Variants in TAF4 observed in about 807,000 individuals in gnomAD.
TAF4 encodes TATA-box binding protein associated factor 4.
Under a neutral mutation model 90.3 loss-of-function variants are expected in TAF4, and 9 were observed. That is an observed-to-expected ratio of 0.10 (90% confidence interval 0.06 to 0.17). The LOEUF is 0.17. TAF4 is among the 10% of genes least tolerant of loss of function. The probability of loss-of-function intolerance (pLI) is 1.00; values close to 1 mark genes in which losing one functional copy is unlikely to be tolerated. For missense variants in TAF4, 1,351 were observed against 1,370.7 expected (o/e 0.99, Z 0.23); for synonymous variants, 818 against 638.9 (o/e 1.28, Z -4.23).
intron 1 of TAF4, among the ~76,000 whole-genome samples, chr20:62,027,762 G>A (rs548592220): frequency 6.6e-6 from 1 of 152,326 alleles, no homozygotes; most frequent in South Asian, 2.1e-4. Flanking sequence ...TTCAAGAGGT[G>A]TTTATGCAAC....
chr20:61,987,821 G>T (rs1184038372), intron 14 of TAF4, among the ~76,000 whole-genome samples: 1 of 152,198 alleles, frequency 6.6e-6, no homozygotes, highest in African/African-American at 2.4e-5. Flanking sequence ...AAGCAGCCAC[G>T]ATGTGCTTCA....
At chr20:62,055,294 C>T (rs554219410) in intron 1 of TAF4, among the ~76,000 whole-genome samples, 1 of 149,972 alleles carries the variant, frequency 6.7e-6, no homozygotes, top group African/African-American at 2.5e-5. Context: ...ACGCTGCCTG[C>T]GGGCGGTCCT....
chr20:62,024,003 G>A (rs556660547), intron 1 of TAF4, among the ~76,000 whole-genome samples: 13 of 152,040 alleles, frequency 8.6e-5, no homozygotes, highest in South Asian at 2.1e-4. Context: ...GCTTGAGCCC[G>A]GGACACAGAG....
chr20:62,028,139 C>G lies in TAF4; in HGVS notation c.1361-13432G>C, dbSNP rs1019079022. ...GAGGCCTGGACACCCAGGAGCCGCACCTGCTCTGGGATGCTGGAGGTGCTA... is the reference window on the plus strand; with the variant it reads ...GAGGCCTGGACACCCAGGAGCCGCAGCTGCTCTGGGATGCTGGAGGTGCTA... On this transcript the variant is annotated intron_variant, in intron 1 of 14. Transcript: ENST00000252996. Among the ~76,000 whole-genome samples the G allele has an allele frequency of 6.6e-5, 10 of 152,310 alleles. No individual in the cohort carries two copies. The East Asian group carries it at 1.9e-3, about 29-fold the overall frequency.
chr20:62,016,559 T>G (rs2055813099), intron 1 of TAF4, among the ~76,000 whole-genome samples: 1 of 152,186 alleles, frequency 6.6e-6, no homozygotes, highest in Non-Finnish European at 1.5e-5. Flanking sequence ...CACCAGTGGT[T>G]TGCCAGGGGT....
Position 62,006,864 on chromosome 20 carries a change from G to A in TAF4, c.1975-106C>T. 1.4e-6 allele frequency: 2 copies of A among 1,380,534 alleles called. No homozygotes were observed. The highest frequency in any genetic ancestry group is 3.7e-5 in the South Asian group (2 of 54,398). The allele number at this position is 1,380,534 out of a possible 1,614,324, so 85.5% of individuals were successfully genotyped here. ...CTTTTACAGAAAGCTTTTGAGCTAA[G>A]TAAGATGGATCTTGGCCCTCACGGC... On this transcript the variant is annotated intron_variant, in intron 6 of 14. Coordinates refer to ENST00000252996, the MANE Select transcript of TAF4 (RefSeq NM_003185.4). The surrounding 1 kb of genome is among the most constrained non-coding windows in gnomAD (Gnocchi z 7.0).
intron 3 of TAF4, among the ~76,000 whole-genome samples, chr20:62,011,852 C>A (rs769623777): frequency 6.6e-6 from 1 of 152,224 alleles, no homozygotes; most frequent in Non-Finnish European, 1.5e-5. Context: ...ACCTACGCAT[C>A]CACGGATGCT....
chr20:61,985,972 CATCCCCAATCAAAGGAAAT>C lies in TAF4; in HGVS notation c.3091-9656_3091-9638del, dbSNP rs1245636327. Reference sequence around the variant, plus strand: ...CACCATCCCCGACCAAAGGAAGCACCATCCCCAATCAAAGGAAATACCATCCCCAACCAAAGGAAACACC... The same window carrying C: ...CACCATCCCCGACCAAAGGAAGCACCACCATCCCCAACCAAAGGAAACACC... On this transcript the variant is annotated intron_variant, in intron 14 of 14. Transcript: ENST00000252996. Among the ~76,000 whole-genome samples, 84 of 150,832 alleles carry C rather than the reference CATCCCCAATCAAAGGAAAT, an allele frequency of 5.6e-4. 4 individuals are homozygous for C. The highest frequency in any genetic ancestry group is 9.8e-4 in the East Asian group (5 of 5,122).
chr20:62,020,693 T>G, intron 1 of TAF4, among the ~76,000 whole-genome samples: 1 of 152,118 alleles, frequency 6.6e-6, no homozygotes, highest in East Asian at 1.9e-4. Context: ...AGTGAACTGA[T>G]CAAAATAAGC....
chr20:62,014,114 G>A (rs1292141890), intron 2 of TAF4, among the ~76,000 whole-genome samples: 2 of 151,870 alleles, frequency 1.3e-5, no homozygotes, highest in Non-Finnish European at 2.9e-5. Flanking sequence ...CGCACACAGC[G>A]GCTCCAGGAC....
chr20:62,012,095 G>C (rs1307540802), intron 3 of TAF4: 1 of 152,356 alleles, frequency 6.6e-6, no homozygotes, highest in Non-Finnish European at 1.5e-5. Context: ...CTAGGAGAGG[G>C]GCCAGCACCT....
chr20:62,023,375 G>A lies in TAF4; in HGVS notation c.1361-8668C>T, dbSNP rs191299502. Among the ~76,000 whole-genome samples, 40 of 152,292 alleles carry A rather than the reference G, an allele frequency of 2.6e-4. No individual in the cohort carries two copies. In the East Asian group the frequency reaches 7.1e-3, roughly 27 times the overall value. ...GAACCAGAGAGGCGAAGGTTGCAGT[G>A]AGCCAAGAGCACACCACTGCAGTCC... is the stretch of plus-strand genomic sequence containing the variant. On this transcript the variant is annotated intron_variant, in intron 1 of 14. Coordinates refer to ENST00000252996, the MANE Select transcript of TAF4 (RefSeq NM_003185.4).
At chr20:62,020,411 A>G (rs565253639) in intron 1 of TAF4, among the ~76,000 whole-genome samples, 13 of 152,270 alleles carry the variant, frequency 8.5e-5, no homozygotes, top group Non-Finnish European at 1.5e-4. Context: ...CCACGGGGAC[A>G]CAAGGTCCCA....
At position 61,999,064 on chromosome 20, in the gene TAF4, G is replaced by T; in HGVS notation, c.2832C>A (p.Leu944=). The T allele has an allele frequency of 6.2e-7, 1 of 1,614,102 alleles. No homozygotes were observed. Among genetic ancestry groups the T allele is most frequent in the Non-Finnish European group, 8.5e-7 (1 of 1,180,026 alleles). The stretch of plus-strand genomic sequence containing the variant: ...TTTGATCAAGCTGTTCAAAAAACTT[G>T]AGCTGTGCCCGGACGTCACTCGCCT... ...YEQASDVRAQ[L]KFFEQLDQIE... is the part of the protein sequence containing the mutation. The change falls in exon 12 of 15, where the codon CTC becomes CTA. Residue 944 remains leucine (L), a synonymous_variant. Coordinates refer to ENST00000252996, the MANE Select transcript of TAF4 (RefSeq NM_003185.4).
chr20:62,013,058 G>C, intron 2 of TAF4, 124 bp from the exon 3 acceptor site: 3 of 1,349,152 alleles, frequency 2.2e-6, no homozygotes, highest in African/African-American at 1.5e-5. Context: ...GCTTATCCGT[G>C]ATCTGCAATG....
intron 1 of TAF4, among the ~76,000 whole-genome samples, chr20:62,015,343 A>G (rs2055806505): frequency 6.6e-6 from 1 of 152,262 alleles, no homozygotes; most frequent in Non-Finnish European, 1.5e-5. Context: ...AAACCACAGG[A>G]AAGCAAATCC....
intron 8 of TAF4, 139 bp downstream of exon 8, chr20:62,003,592 C>T: frequency 1.1e-6 from 1 of 944,712 alleles, no homozygotes; most frequent in Non-Finnish European, 1.5e-6. Flanking sequence ...TAAATGAAAT[C>T]AGTGCCACTG....
intron 1 of TAF4, among the ~76,000 whole-genome samples, chr20:62,063,448 G>A (rs923655629): frequency 1.3e-5 from 2 of 152,276 alleles, no homozygotes; most frequent in Non-Finnish European, 2.9e-5. Context: ...CACGGCGGCT[G>A]GGGAGGGACG....
At chr20:62,063,327 G>C (rs1388778714) in intron 1 of TAF4, among the ~76,000 whole-genome samples, 2 of 152,220 alleles carry the variant, frequency 1.3e-5, no homozygotes, top group Non-Finnish European at 2.9e-5. Context: ...GGGGACGCAG[G>C]AGGGACCCAC....
Sources: allele counts gnomAD v4.1 joint callset (sites outside exome capture counted in the v4.1 genomes callset), GRCh38; gene constraint gnomAD v4.1.1; non-coding constraint Gnocchi (gnomAD v3.1); transcripts MANE v1.5; gene names NCBI Gene and HGNC (gene_info 2026-07-23, HGNC 2026-07-21).